ZCCHC7: variants seen among roughly 807,000 people sequenced by gnomAD.
ZCCHC7 encodes zinc finger CCHC domain-containing protein 7.
In ZCCHC7, 35 loss-of-function variants were observed where a neutral mutation model predicts 52.0. The ratio of observed to expected loss-of-function variants is 0.67; its 90% CI spans 0.51 to 0.89. The LOEUF is 0.89. Ranked by LOEUF, ZCCHC7 falls within the 40% of genes least tolerant of loss-of-function variation. The pLI is 0.00. For missense variants in ZCCHC7, 574 were observed against 649.1 expected, an observed-to-expected ratio of 0.88 and a Z score of 1.26; for synonymous variants, 217 against 221.5, an observed-to-expected ratio of 0.98 and a Z score of 0.18.
intron 5 of ZCCHC7, among the ~76,000 whole-genome samples, chr9:37,312,200 T>TG (rs1478685404): frequency 1.3e-5 from 2 of 152,230 alleles, no homozygotes; most frequent in African/African-American, 4.8e-5. Flanking sequence ...TTTAAAGACT[T>TG]GCTTAATTCA....
chr9:37,121,170 G>T (rs1298749350), intron 1 of ZCCHC7, among the ~76,000 whole-genome samples: 2 of 152,202 alleles, frequency 1.3e-5, no homozygotes, highest in African/African-American at 4.8e-5. Flanking sequence ...TCCTGTGAGC[G>T]GACAGTTGCC....
At chr9:37,232,327 C>T (rs1380318143) in intron 2 of ZCCHC7, among the ~76,000 whole-genome samples, 2 of 152,206 alleles carry the variant, frequency 1.3e-5, no homozygotes, top group Admixed American at 6.5e-5. Context: ...GCCCTGGCTA[C>T]ACATTAGAAT....
chr9:37,162,092 C>G (rs1452821056), intron 2 of ZCCHC7, among the ~76,000 whole-genome samples: 12 of 152,046 alleles, frequency 7.9e-5, no homozygotes, highest in Non-Finnish European at 1.6e-4. Flanking sequence ...GAATAAAAAC[C>G]TATGTGTAAA....
chr9:37,340,195 A>G (rs747332695), intron 6 of ZCCHC7, among the ~76,000 whole-genome samples: 4 of 152,186 alleles, frequency 2.6e-5, no homozygotes, highest in Non-Finnish European at 5.9e-5. Flanking sequence ...TTGAGGAGAC[A>G]TTAGGAGTAA....
chr9:37,227,697 A>C (rs903308753), intron 2 of ZCCHC7, among the ~76,000 whole-genome samples: 15 of 152,236 alleles, frequency 9.9e-5, no homozygotes, highest in Admixed American at 9.2e-4. Context: ...AATGTTCGTC[A>C]CCTAGTAAAC....
chr9:37,223,384 C>T (rs901619112), intron 2 of ZCCHC7, among the ~76,000 whole-genome samples: 2 of 151,850 alleles, frequency 1.3e-5, no homozygotes, highest in South Asian at 4.1e-4. Context: ...GTGCAGTAAG[C>T]CTGACATAAA....
At chr9:37,256,323 C>T (rs1281687611) in intron 2 of ZCCHC7, among the ~76,000 whole-genome samples, 1 of 152,114 alleles carries the variant, frequency 6.6e-6, no homozygotes, top group Non-Finnish European at 1.5e-5. Flanking sequence ...CTCTGGGAGT[C>T]CCTGGTTCCT....
chr9:37,142,698 T>C lies in ZCCHC7; in HGVS notation c.610+15756T>C, dbSNP rs1005332284. 3.3e-5 allele frequency among the ~76,000 whole-genome samples: 5 copies of C among 151,804 alleles called. No individual in the cohort carries two copies. In the East Asian group the frequency reaches 5.8e-4, roughly 18 times the overall value. On this transcript the variant is annotated intron_variant, in intron 2 of 8. Transcript: ENST00000336755. ...AATTTCTAGTCTTTGATTATAGTTATATAGGCTTCATGAGTTTGTAAAACT... is the reference window on the plus strand; with the variant it reads ...AATTTCTAGTCTTTGATTATAGTTACATAGGCTTCATGAGTTTGTAAAACT...
rs1189058262 is a variant in ZCCHC7 at position 37,282,527 on chromosome 9, C to T, written c.611-19661C>T. On this transcript the variant is annotated intron_variant, in intron 2 of 8. Coordinates refer to ENST00000336755, the MANE Select transcript of ZCCHC7 (RefSeq NM_032226.3). ...GGCTGGGGCAGGAAAATGGCATGAA[C>T]CTGGGAGGCAGAGCTTGCAGTGAGC... 2.7e-5 allele frequency among the ~76,000 whole-genome samples: 4 copies of T among 149,718 alleles called. No homozygotes were observed. In the Admixed American group the frequency reaches 2.7e-4, roughly 10 times the overall value.
At chr9:37,165,319 T>C (rs184823792) in intron 2 of ZCCHC7, among the ~76,000 whole-genome samples, 57 of 149,218 alleles carry the variant, frequency 3.8e-4, no homozygotes, top group Non-Finnish European at 7.6e-4. Flanking sequence ...GACTTTTTTG[T>C]TTTTTTTTTC....
intron 6 of ZCCHC7, among the ~76,000 whole-genome samples, chr9:37,344,689 T>C (rs1328334663): frequency 6.6e-6 from 1 of 152,158 alleles, no homozygotes; most frequent in Non-Finnish European, 1.5e-5. Context: ...TATAACTATT[T>C]TAATTGTTTG....
At chr9:37,271,085 G>C (rs1827387781) in intron 2 of ZCCHC7, among the ~76,000 whole-genome samples, 1 of 152,168 alleles carries the variant, frequency 6.6e-6, no homozygotes, top group Admixed American at 6.5e-5. Flanking sequence ...TGAAATAATG[G>C]ATTTAAAGAA....
chr9:37,144,104 C>T (rs1016394116), intron 2 of ZCCHC7, among the ~76,000 whole-genome samples: 4 of 151,726 alleles, frequency 2.6e-5, no homozygotes. Context: ...AAGGGAAATA[C>T]ATAAAATATG....
chr9:37,219,287 A>G (rs1824688909), intron 2 of ZCCHC7, among the ~76,000 whole-genome samples: 1 of 152,230 alleles, frequency 6.6e-6, no homozygotes, highest in Non-Finnish European at 1.5e-5. Context: ...CATATTGTCC[A>G]TTATGCAGCA....
chr9:37,253,246 A>G (rs1826416268), intron 2 of ZCCHC7, among the ~76,000 whole-genome samples: 1 of 152,000 alleles, frequency 6.6e-6, no homozygotes, highest in Non-Finnish European at 1.5e-5. Context: ...TTCTTTTATC[A>G]TCATAGTTTT....
chr9:37,147,317 A>G (rs549533239), intron 2 of ZCCHC7: 1 of 152,136 alleles, frequency 6.6e-6, no homozygotes, highest in South Asian at 2.1e-4. Flanking sequence ...ATTTTGTCCC[A>G]TAAAAACCAC....
intron 2 of ZCCHC7, among the ~76,000 whole-genome samples, chr9:37,232,469 T>C (rs1480716991): frequency 6.6e-6 from 1 of 152,224 alleles, no homozygotes; most frequent in African/African-American, 2.4e-5. Flanking sequence ...ATATAATTTT[T>C]TAAAGCTGTT....
chr9:37,273,021 G>A (rs543292451), intron 2 of ZCCHC7, among the ~76,000 whole-genome samples: 99 of 152,210 alleles, frequency 6.5e-4, no homozygotes, highest in Non-Finnish European at 8.7e-4. Flanking sequence ...TTTCAGTAGA[G>A]CAGGGGTTGG....
chr9:37,167,844 C>A (rs1172873023), intron 2 of ZCCHC7, among the ~76,000 whole-genome samples: 1 of 152,214 alleles, frequency 6.6e-6, no homozygotes, highest in Non-Finnish European at 1.5e-5. Context: ...TGCAGTCTCA[C>A]TGGTGGAAAT....
Sources: gnomAD v4.1 joint callset for allele counts (sites outside exome capture counted in the v4.1 genomes callset) on GRCh38, gnomAD v4.1.1 for gene constraint, MANE v1.5 for transcripts, NCBI Gene and HGNC (gene_info 2026-07-23, HGNC 2026-07-21) for gene names.